STARD13: variants seen among roughly 807,000 people sequenced by gnomAD.
The protein encoded by STARD13 is stAR-related lipid transfer protein 13.
In STARD13, 62 loss-of-function variants were observed where a neutral mutation model predicts 106.4. The ratio of observed to expected loss-of-function variants is 0.58; its 90% CI spans 0.48 to 0.72. STARD13 has a LOEUF of 0.72. Ranked by LOEUF, STARD13 falls within the 30% of genes least tolerant of loss-of-function variation. STARD13 has a pLI of 0.00. For missense variants in STARD13, 1,387 were observed against 1,424.0 expected (o/e 0.97, Z 0.42); for synonymous variants, 565 against 553.0 (o/e 1.02, Z -0.31).
intron 1 of STARD13, among the ~76,000 whole-genome samples, chr13:33,220,044 C>T (rs965546664): frequency 1.3e-5 from 2 of 152,104 alleles, no homozygotes; most frequent in African/African-American, 4.8e-5. Context: ...GCTTTAATGC[C>T]TGTCTTTTCC....
chr13:33,519,641 C>T, the STARD13 span, among the ~76,000 whole-genome samples: 1 of 152,020 alleles, frequency 6.6e-6, no homozygotes, highest in Non-Finnish European at 1.5e-5. Context: ...CTTTAGCAAG[C>T]GCCATTACAT....
chr13:33,599,040 T>C, the STARD13 span, among the ~76,000 whole-genome samples: 5,541 of 152,204 alleles, frequency 0.036, 260 homozygotes, highest in African/African-American at 0.099. Flanking sequence ...ATTGTGAGAG[T>C]TTCAATTTAA....
the STARD13 span, among the ~76,000 whole-genome samples, chr13:33,512,880 A>G: frequency 6.6e-6 from 1 of 152,214 alleles, no homozygotes; most frequent in South Asian, 2.1e-4. Flanking sequence ...CCCAGTCCTC[A>G]GAAGAAACCA....
intron 1 of STARD13, among the ~76,000 whole-genome samples, chr13:33,170,850 T>A (rs1191227806): frequency 6.6e-6 from 1 of 152,176 alleles, no homozygotes; most frequent in East Asian, 1.9e-4. Flanking sequence ...AGCAAAATAA[T>A]CTGGCATAAT....
At chr13:33,576,045 T>C in the STARD13 span, among the ~76,000 whole-genome samples, 1 of 152,146 alleles carries the variant, frequency 6.6e-6, no homozygotes, top group African/African-American at 2.4e-5. Flanking sequence ...GTATTTTGAT[T>C]TTACTACAAC....
the STARD13 span, among the ~76,000 whole-genome samples, chr13:33,634,723 A>G: frequency 6.6e-6 from 1 of 150,902 alleles, no homozygotes; most frequent in Non-Finnish European, 1.5e-5. Context: ...ACACACATGC[A>G]CACACACACA....
the STARD13 span, among the ~76,000 whole-genome samples, chr13:33,598,919 G>T: frequency 6.6e-6 from 1 of 152,166 alleles, no homozygotes; most frequent in Non-Finnish European, 1.5e-5. Flanking sequence ...AAAAATTTAG[G>T]TTCAAGAGAA....
At chr13:33,181,523 T>G in intron 1 of STARD13, among the ~76,000 whole-genome samples, 1 of 152,166 alleles carries the variant, frequency 6.6e-6, no homozygotes, top group East Asian at 1.9e-4. Flanking sequence ...AGAAAAATAT[T>G]TATAGATCTG....
At chr13:33,569,310 C>T in the STARD13 span, among the ~76,000 whole-genome samples, 12,519 of 147,332 alleles carry the variant, frequency 0.085, 1,722 homozygotes, top group East Asian at 0.32. Flanking sequence ...AGCAGTTTGG[C>T]AATATTGAAT....
At chr13:33,448,124 T>C in the STARD13 span, among the ~76,000 whole-genome samples, 1 of 152,316 alleles carries the variant, frequency 6.6e-6, no homozygotes, top group African/African-American at 2.4e-5. Context: ...TATGTGTTCA[T>C]TGTGTTATGA....
At chr13:33,499,611 TTCTTCTTCTTCTTCTTCTTCTTC>T in the STARD13 span, among the ~76,000 whole-genome samples, 8 of 76,970 alleles carry the variant, frequency 1.0e-4, no homozygotes, top group African/African-American at 4.1e-4. Context: ...TTCTTTCTTC[TTCTTCTTCTTCTTCTTCTTCTTC>T]TTCTTCTTCT....
At chr13:33,287,236 A>G (rs1292615460), upstream of STARD13, among the ~76,000 whole-genome samples, 1 of 152,228 alleles carries the variant, frequency 6.6e-6, no homozygotes, top group Non-Finnish European at 1.5e-5. Flanking sequence ...TCCGAGGCCC[A>G]TAAGCCTTAA....
the STARD13 span, among the ~76,000 whole-genome samples, chr13:33,480,115 T>A: frequency 6.6e-6 from 1 of 152,214 alleles, no homozygotes; most frequent in South Asian, 2.1e-4. Context: ...GGAATACTTG[T>A]ATGTGTATTT....
the STARD13 span, among the ~76,000 whole-genome samples, chr13:33,605,218 G>A: frequency 7.0e-6 from 1 of 142,764 alleles, no homozygotes; most frequent in Non-Finnish European, 1.5e-5. Flanking sequence ...CAGCCTGGGT[G>A]ACAGAGCCAG....
the STARD13 span, among the ~76,000 whole-genome samples, chr13:33,371,884 A>G: frequency 6.6e-6 from 1 of 152,200 alleles, no homozygotes; most frequent in Non-Finnish European, 1.5e-5. Flanking sequence ...CATGAAATTT[A>G]TTTCTGTTTG....
At chr13:33,464,212 T>C in the STARD13 span, among the ~76,000 whole-genome samples, 1 of 151,954 alleles carries the variant, frequency 6.6e-6, no homozygotes, top group Non-Finnish European at 1.5e-5. Context: ...CATGTGTTGA[T>C]ATTTATTGAA....
At chr13:33,343,561 G>A (rs1455744022) in intron 1 of STARD13, among the ~76,000 whole-genome samples, 1 of 97,756 alleles carries the variant, frequency 1.0e-5, no homozygotes, top group Non-Finnish European at 1.9e-5. Context: ...CTGGGCAACA[G>A]ATTGAGACCC....
At chr13:33,277,048 G>GAAAA (rs60224228) in intron 1 of STARD13, among the ~76,000 whole-genome samples, 54 of 57,784 alleles carry the variant, frequency 9.3e-4, no homozygotes, top group African/African-American at 1.5e-3. Flanking sequence ...CTAAGCTTCT[G>GAAAA]AAAAAAAAAA....
chr13:33,624,392 G>T, the STARD13 span, among the ~76,000 whole-genome samples: 1 of 152,274 alleles, frequency 6.6e-6, no homozygotes, highest in African/African-American at 2.4e-5. Context: ...GGCAGAGTGA[G>T]GCACTGCCTC....
Sources: gnomAD v4.1 joint callset for allele counts (sites outside exome capture counted in the v4.1 genomes callset) on GRCh38, gnomAD v4.1.1 for gene constraint, MANE v1.5 for transcripts, NCBI Gene and HGNC (gene_info 2026-07-23, HGNC 2026-07-21) for gene names.